The following NOX3 variants were observed in gnomAD, a reference collection of about 807,000 sequenced individuals.
The protein encoded by NOX3 is NADPH oxidase catalytic subunit-like 3.
A neutral mutation model predicts 76.7 loss-of-function variants in NOX3; 74 were observed. The observed-to-expected ratio is 0.96, with a 90% CI of 0.80 to 1.17. NOX3 has a LOEUF of 1.17. Among genes scored for constraint, NOX3 ranks in the 50% most tolerant of loss-of-function variants. NOX3 has a pLI of 0.00. For missense variants in NOX3, 695 were observed against 703.3 expected, an observed-to-expected ratio of 0.99 and a Z score of 0.13; for synonymous variants, 263 against 261.1, an observed-to-expected ratio of 1.01 and a Z score of -0.07.
At chr6:155,398,343 A>G (rs1398206702) in intron 12 of NOX3, among the ~76,000 whole-genome samples, 1 of 152,182 alleles carries the variant, frequency 6.6e-6, no homozygotes, top group Non-Finnish European at 1.5e-5. Flanking sequence ...CTTCAGGACC[A>G]GCTCACTATA....
At chr6:155,432,885 C>G (rs548962690) in intron 7 of NOX3, among the ~76,000 whole-genome samples, 2 of 152,020 alleles carry the variant, frequency 1.3e-5, no homozygotes, top group African/African-American at 4.8e-5. Context: ...GGGGTTGGAC[C>G]GAGCAAAGGA....
At chr6:155,429,111 C>G in intron 8 of NOX3, 64 bp from the exon 9 acceptor site, 2 of 1,402,012 alleles carry the variant, frequency 1.4e-6, no homozygotes, top group Non-Finnish European at 1.9e-6. Context: ...ACCTTTCATT[C>G]CATCAAAGGT....
chr6:155,426,993 G>GTGTGTGTGTGTGTGTGTA (rs1776764289), intron 9 of NOX3, among the ~76,000 whole-genome samples: 1 of 117,312 alleles, frequency 8.5e-6, no homozygotes, highest in African/African-American at 3.5e-5. Context: ...GCGTGTGTGT[G>GTGTGTGTGTGTGTGTGTA]TGTGTGTGTG....
chr6:155,422,591 C>A (rs1776703977), intron 10 of NOX3, 103 bp downstream of exon 10: 5 of 1,087,474 alleles, frequency 4.6e-6, no homozygotes, highest in East Asian at 2.4e-5. Context: ...TGAGTTTATC[C>A]CTCATAGTTA....
intron 9 of NOX3, 72 bp downstream of exon 9, chr6:155,428,722 G>T: frequency 2.3e-6 from 3 of 1,328,022 alleles, no homozygotes; most frequent in Non-Finnish European, 3.0e-6. Context: ...GAATCAGGTA[G>T]CATGTTGATA....
chr6:155,411,346 C>G lies in NOX3; in HGVS notation c.1323G>C (p.Trp441Cys). The change falls in exon 11 of 14, where the codon TGG (tryptophan) becomes TGC (cysteine). Residue 441 changes from tryptophan to cysteine, a missense_variant. Physicochemically the swap from Trp to Cys is radical, Grantham distance 215. Transcript: ENST00000159060. ...PLKLSKVYFY[W>C]ICRDARAFEW... ...CAAAAGCTCTTGCATCCCGGCAAATCCAGTAGAAATACACCTGTCAAGAGA... is the reference window on the plus strand; with the variant it reads ...CAAAAGCTCTTGCATCCCGGCAAATGCAGTAGAAATACACCTGTCAAGAGA... The G allele has an allele frequency of 6.2e-7, 1 of 1,613,562 alleles. No homozygotes were observed. The highest frequency in any genetic ancestry group is 2.2e-5 in the East Asian group (1 of 44,846).
chr6:155,431,413 A>AAAACACACACACACACACAC (rs140214056), intron 7 of NOX3, among the ~76,000 whole-genome samples: 4 of 144,642 alleles, frequency 2.8e-5, no homozygotes, highest in Admixed American at 6.9e-5. Context: ...TAAACACAGA[A>AAAACACACACACACACACAC]ACACACACAC....
At chr6:155,437,802 C>T (rs1776931315) in intron 6 of NOX3, among the ~76,000 whole-genome samples, 1 of 152,174 alleles carries the variant, frequency 6.6e-6, no homozygotes, top group Admixed American at 6.5e-5. Flanking sequence ...TCATCTATGC[C>T]ATCCCATAAT....
chr6:155,399,228 C>T (rs966362113), intron 12 of NOX3, among the ~76,000 whole-genome samples: 1 of 149,134 alleles, frequency 6.7e-6, no homozygotes, highest in Non-Finnish European at 1.5e-5. Context: ...GTAGATGTCA[C>T]CAAAGAGATT....
In NOX3 at chr6:155,439,989, A is replaced by T; in HGVS notation, c.635T>A (p.Val212Asp). The T allele has an allele frequency of 6.2e-7, 1 of 1,614,036 alleles. No individual in the cohort carries two copies. Among genetic ancestry groups the T allele is most frequent in the South Asian group, 1.1e-5 (1 of 91,042 alleles). The change falls in exon 6 of 14, where the codon GTC becomes GAC. Residue 212 changes from valine to aspartate, a missense_variant. Coordinates refer to ENST00000159060, the MANE Select transcript of NOX3 (RefSeq NM_015718.3). The part of the protein sequence containing the change: ...LFWYTHHVFI[V>D]FFLSLAIHGT... ...ATGGATGGCCAGGCTGAGAAAGAAG[A>T]CGATGAAAACATGGTGTGTGTACCA...
At chr6:155,445,481 C>T (rs1029447702) in intron 4 of NOX3, among the ~76,000 whole-genome samples, 2 of 152,178 alleles carry the variant, frequency 1.3e-5, no homozygotes, top group Non-Finnish European at 2.9e-5. Flanking sequence ...ATGCTATCTT[C>T]TATGCAACCT....
intron 10 of NOX3, among the ~76,000 whole-genome samples, chr6:155,419,789 A>C (rs1044518983): frequency 1.3e-5 from 2 of 152,086 alleles, no homozygotes; most frequent in African/African-American, 4.8e-5. Context: ...TGAATTTTAA[A>C]ATTTTTGGGG....
chr6:155,408,063 C>G (rs1489936950), intron 11 of NOX3, among the ~76,000 whole-genome samples: 1 of 152,152 alleles, frequency 6.6e-6, no homozygotes, highest in Non-Finnish European at 1.5e-5. Flanking sequence ...ACTGCAATCT[C>G]CACCTCCTGA....
chr6:155,401,134 T>C (rs1779220609), intron 12 of NOX3, among the ~76,000 whole-genome samples: 1 of 152,186 alleles, frequency 6.6e-6, no homozygotes, highest in Non-Finnish European at 1.5e-5. Flanking sequence ...GTAATGCCAT[T>C]GAAGAAATTT....
Position 155,445,903 on chromosome 6 carries a change from TATATATGCTATAGATATATA to T in NOX3, c.341-2505_341-2486del, listed in dbSNP as rs1232148681. Among the ~76,000 whole-genome samples, 1,016 of 145,054 alleles carry T rather than the reference TATATATGCTATAGATATATA, an allele frequency of 7.0e-3. 16 individuals are homozygous for T. The highest frequency in any genetic ancestry group is 0.024 in the African/African-American group (960 of 39,482). On this transcript the variant is annotated intron_variant, in intron 4 of 13. Transcript: ENST00000159060. ...ATATATATGCTATATATATATATTA[TATATATGCTATAGATATATA>T]ATATATATGCTATAGATATATAATA...
At chr6:155,409,587 G>A (rs1432880558) in intron 11 of NOX3, among the ~76,000 whole-genome samples, 1 of 152,112 alleles carries the variant, frequency 6.6e-6, no homozygotes, top group Non-Finnish European at 1.5e-5. Context: ...TCTTCCATCT[G>A]TCCCTTCTGT....
chr6:155,421,556 G>A (rs1178770269), intron 10 of NOX3, among the ~76,000 whole-genome samples: 1 of 152,186 alleles, frequency 6.6e-6, no homozygotes, highest in Non-Finnish European at 1.5e-5. Flanking sequence ...AACTGAATGA[G>A]GATCTTTTCT....
chr6:155,443,226 A>C, intron 5 of NOX3, 47 bp downstream of exon 5: 1 of 1,580,078 alleles, frequency 6.3e-7, no homozygotes, highest in East Asian at 2.3e-5. Flanking sequence ...GGACTGGAAA[A>C]GGACGGATTT....
intron 10 of NOX3, among the ~76,000 whole-genome samples, chr6:155,421,107 G>A (rs1057388081): frequency 7.2e-5 from 11 of 152,128 alleles, no homozygotes; most frequent in Non-Finnish European, 1.2e-4. Context: ...GAATCCCACC[G>A]TCTTCCTAAA....
Sources: gnomAD v4.1 joint callset for allele counts (sites outside exome capture counted in the v4.1 genomes callset) on GRCh38, gnomAD v4.1.1 for gene constraint, MANE v1.5 for transcripts, NCBI Gene and HGNC (gene_info 2026-07-23, HGNC 2026-07-21) for gene names.